Variants in CDKL3 observed in about 807,000 individuals in gnomAD.
CDKL3 encodes cyclin dependent kinase like 3.
CDKL3 carries 65 observed loss-of-function variants against 69.3 expected under a neutral mutation model. The observed-to-expected ratio is 0.94, with a 90% confidence interval of 0.77 to 1.15. CDKL3 has a LOEUF of 1.15. CDKL3 is among the 50% of genes most tolerant of loss of function. The pLI, the probability that CDKL3 is intolerant of heterozygous loss-of-function variation, is 0.00. For synonymous variants in CDKL3, 202 were observed against 221.6 expected (o/e 0.91, Z 0.79); for missense variants, 652 against 689.2 (o/e 0.95, Z 0.61).
intron 12 of CDKL3, 34 bp from the exon 13 acceptor site, chr5:134,298,744 G>T: frequency 1.3e-6 from 2 of 1,597,556 alleles, no homozygotes; most frequent in South Asian, 1.1e-5. Flanking sequence ...AAGAATCAGG[G>T]ACTGGAATGT....
At position 134,306,750 on chromosome 5, in the gene CDKL3, CTTTTTTTTT is replaced by C. The variant is rs11414446; in HGVS notation, c.1365-57_1365-49del. 6.7e-4 allele frequency: 153 copies of C among 227,654 alleles called. 1 individual carries two copies. Among genetic ancestry groups the C allele is most frequent in the Middle Eastern group, 1.5e-3 (1 of 656 alleles). 14.1% of individuals were successfully genotyped at this position (227,654 alleles called of 1,614,324 possible). A position where few individuals can be genotyped will look rare whatever the true frequency, so the allele number is the denominator to read the frequency against. ...AAGTTACTAAAACTCCCCAGAAATG[CTTTTTTTTT>C]TTTTTTTTTTTTTTTGGCAGATTCT... is the stretch of plus-strand genomic sequence containing the variant. On this transcript the variant is annotated intron_variant, in intron 9 of 12. Transcript: ENST00000265334.
At position 134,298,724 on chromosome 5, in the gene CDKL3, C is replaced by T; in HGVS notation, c.1720-14G>A. ...GCCATCTCCACCCTAAAATTAGAAACCAAGCTAGTAAGAATCAGGGACTGG... is the reference window on the plus strand; with the variant it reads ...GCCATCTCCACCCTAAAATTAGAAATCAAGCTAGTAAGAATCAGGGACTGG... On this transcript the variant is annotated splice_polypyrimidine_tract_variant and intron_variant, in intron 12 of 12. Transcript: ENST00000265334. 4 of 1,610,386 alleles carry T rather than the reference C, an allele frequency of 2.5e-6. No homozygotes were observed. The highest frequency in any genetic ancestry group is 3.4e-6 in the Non-Finnish European group (4 of 1,178,446).
chr5:134,323,555 T>C (rs1773351399), intron 4 of CDKL3, among the ~76,000 whole-genome samples: 2 of 152,190 alleles, frequency 1.3e-5, no homozygotes, highest in Admixed American at 1.3e-4. Context: ...AACCCAGAAA[T>C]AGACTTGCAC....
intron 11 of CDKL3, among the ~76,000 whole-genome samples, chr5:134,303,933 A>AT (rs1767049110): frequency 6.7e-6 from 1 of 148,242 alleles, no homozygotes; most frequent in African/African-American, 2.6e-5. Context: ...TTAATTAAAA[A>AT]AAAATTTTTT....
At chr5:134,313,370 C>CA (rs1381497803) in intron 6 of CDKL3, among the ~76,000 whole-genome samples, 3 of 152,154 alleles carry the variant, frequency 2.0e-5, no homozygotes, top group African/African-American at 7.2e-5. Context: ...ACACATGCCA[C>CA]CAAGCCTGAC....
chr5:134,312,389 G>T lies in CDKL3; in HGVS notation c.793-9C>A, dbSNP rs918957841. On this transcript the variant is annotated splice_polypyrimidine_tract_variant and intron_variant, in intron 6 of 12. Transcript: ENST00000265334. Reference sequence around the variant, plus strand: ...TCAATTTGTAAACAAGCCTAGGAAAGGAAAAAGATTTTAATAAGTGAGCTC... The same window carrying T: ...TCAATTTGTAAACAAGCCTAGGAAATGAAAAAGATTTTAATAAGTGAGCTC... 4.6e-6 allele frequency: 7 copies of T among 1,534,770 alleles called. No homozygotes were observed. Among genetic ancestry groups the T allele is most frequent in the Non-Finnish European group, 5.3e-6 (6 of 1,132,926 alleles).
Position 134,360,640 on chromosome 5 carries a change from G to T in CDKL3, c.166-549C>A, listed in dbSNP as rs193275682. 4.8e-3 allele frequency among the ~76,000 whole-genome samples: 732 copies of T among 152,192 alleles called. 6 individuals are homozygous for T. The highest frequency in any genetic ancestry group is 7.8e-3 in the Non-Finnish European group (531 of 68,008). The stretch of plus-strand genomic sequence containing the variant: ...TTACTTTATCTCAAGTTGGCATTTG[G>T]TTGCTTATTAAAATAATTTAATGTA... On this transcript the variant is annotated intron_variant, in intron 2 of 12. Coordinates refer to ENST00000265334, the MANE Select transcript of CDKL3 (RefSeq NM_001113575.2).
chr5:134,287,901 T>C (rs566683190), intron 8 of CDKL3, among the ~76,000 whole-genome samples: 1 of 151,536 alleles, frequency 6.6e-6, no homozygotes, highest in South Asian at 2.1e-4. Flanking sequence ...TTTACTTTTT[T>C]TTTTTTTTTT....
downstream of CDKL3, among the ~76,000 whole-genome samples, chr5:134,284,610 G>A (rs1347152222): frequency 6.6e-6 from 1 of 152,162 alleles, no homozygotes; most frequent in Non-Finnish European, 1.5e-5. Context: ...CAAGCCTGAG[G>A]GCACTGCAGG....
intron 6 of CDKL3, among the ~76,000 whole-genome samples, chr5:134,313,497 G>A (rs1420243536): frequency 1.3e-5 from 2 of 152,092 alleles, no homozygotes; most frequent in East Asian, 3.8e-4. Flanking sequence ...ATACAGATGA[G>A]GAGACTGAGG....
chr5:134,371,540 G>A (rs1758412878), upstream of CDKL3: 2 of 1,592,680 alleles, frequency 1.3e-6, no homozygotes, highest in Non-Finnish European at 8.5e-7. Context: ...CCGGGGGGTG[G>A]GGGGGCTGCG....
At chr5:134,305,508 T>C (rs948999888) in intron 10 of CDKL3, among the ~76,000 whole-genome samples, 9 of 152,212 alleles carry the variant, frequency 5.9e-5, no homozygotes, top group Admixed American at 3.9e-4. Context: ...AACTTCTTTA[T>C]CTACCTAGAA....
intron 4 of CDKL3, among the ~76,000 whole-genome samples, chr5:134,333,732 T>A (rs1776361745): frequency 6.6e-6 from 1 of 152,198 alleles, no homozygotes. Flanking sequence ...TTATTGAGGA[T>A]TTTTGCATCA....
chr5:134,362,917 G>GT (rs1391926893), intron 2 of CDKL3, among the ~76,000 whole-genome samples: 1 of 152,194 alleles, frequency 6.6e-6, no homozygotes, highest in Non-Finnish European at 1.5e-5. Context: ...GACAGACAGA[G>GT]TAAGACTGTC....
intron 6 of CDKL3, 126 bp downstream of exon 6, chr5:134,319,232 G>A (rs1772067385): frequency 1.5e-6 from 1 of 655,620 alleles, no homozygotes; most frequent in Non-Finnish European, 2.3e-6. Flanking sequence ...TCGGAAGGCT[G>A]AGGCAGGAGA....
chr5:134,331,191 G>A (rs564659802), intron 4 of CDKL3, among the ~76,000 whole-genome samples: 1 of 152,066 alleles, frequency 6.6e-6, no homozygotes, highest in Non-Finnish European at 1.5e-5. Flanking sequence ...TAGGGCAATC[G>A]TCCCCTTCAA....
intron 9 of CDKL3, 72 bp downstream of exon 9, chr5:134,308,066 G>T: frequency 6.7e-7 from 1 of 1,492,660 alleles, no homozygotes; most frequent in Non-Finnish European, 8.9e-7. Flanking sequence ...CAGACACTAT[G>T]AACACGATTC....
intron 4 of CDKL3, 43 bp downstream of exon 4, chr5:134,350,206 G>C: frequency 1.4e-6 from 2 of 1,424,284 alleles, no homozygotes. Context: ...AACAAAAAAA[G>C]AGATACCTAG....
At chr5:134,370,065 G>A (rs1313435389), upstream of CDKL3, among the ~76,000 whole-genome samples, 5 of 152,200 alleles carry the variant, frequency 3.3e-5, no homozygotes. Context: ...GCAGTCACTG[G>A]AAGCAGAGAG....
Sources: gnomAD v4.1 joint callset for allele counts (sites outside exome capture counted in the v4.1 genomes callset) on GRCh38, gnomAD v4.1.1 for gene constraint, MANE v1.5 for transcripts, NCBI Gene and HGNC (gene_info 2026-07-23, HGNC 2026-07-21) for gene names.